Variants in INCENP observed in about 807,000 individuals in gnomAD.
INCENP encodes the protein binds and activates aurora-B and -C in vivo and in vitro.
Under a neutral mutation model 107.3 loss-of-function variants are expected in INCENP, and 43 were observed. That is an observed-to-expected ratio of 0.40 (90% CI 0.31 to 0.52). The LOEUF is 0.52. Among genes scored for constraint, INCENP ranks in the 20% least tolerant of loss-of-function variants. The pLI, the probability that INCENP is intolerant of heterozygous loss-of-function variation, is 0.53. For synonymous variants in INCENP, 488 were observed against 494.4 expected (o/e 0.99, Z 0.17); for missense variants, 1,089 against 1,250.9 (o/e 0.87, Z 1.95).
chr11:62,127,738 G>A (rs1231733969), intron 1 of INCENP, among the ~76,000 whole-genome samples: 3 of 152,208 alleles, frequency 2.0e-5, no homozygotes, highest in Non-Finnish European at 4.4e-5. Context: ...ACTGGAGAGC[G>A]AGAGCAGGAC....
chr11:62,134,290 G>A (rs1943946548), intron 4 of INCENP, among the ~76,000 whole-genome samples: 4 of 151,882 alleles, frequency 2.6e-5, no homozygotes, highest in Admixed American at 2.0e-4. Context: ...GCATGTGCCT[G>A]TAGTCCCAGC....
chr11:62,128,113 G>A lies in INCENP; in HGVS notation c.-11-38G>A, dbSNP rs1307607275. 1.9e-6 allele frequency: 3 copies of A among 1,610,978 alleles called. No homozygotes were observed. In the African/African-American group the frequency reaches 4.0e-5, roughly 22 times the overall value. On this transcript the variant is annotated intron_variant, in intron 1 of 18. Transcript: ENST00000394818. ...GAGAAAGCCCCAGACCCCTACCCTG[G>A]GCCCCTAACTTGTGCCTCTTGTCCC...
At position 62,145,669 on chromosome 11, in the gene INCENP, A is replaced by G. The variant is rs867951545; in HGVS notation, c.1877A>G (p.Lys626Arg). The change falls in exon 14 of 19, where the codon AAG becomes AGG. Residue 626 changes from lysine (K) to arginine (R), a missense_variant. Coordinates refer to ENST00000394818, the MANE Select transcript of INCENP (RefSeq NM_001040694.2). Reference protein sequence around the residue: ...ERLAEEKAKKKAAAKKMEEVE... With the variant: ...ERLAEEKAKKRAAAKKMEEVE... ...CTGGCAGAGGAGAAGGCCAAGAAAA[A>G]GGCGGCGGCCAAGAAGATGGAGGAG... 6.3e-7 allele frequency: 1 copy of G among 1,579,488 alleles called. No homozygotes were observed. Among genetic ancestry groups the G allele is most frequent in the Non-Finnish European group, 8.6e-7 (1 of 1,162,836 alleles).
intron 5 of INCENP, 90 bp downstream of exon 5, chr11:62,137,973 C>A: frequency 8.4e-7 from 1 of 1,187,436 alleles, no homozygotes; most frequent in Non-Finnish European, 1.3e-6. Context: ...AATTCCTGGG[C>A]TGAGTCTTCC....
At chr11:62,144,335 C>CAAAAA (rs3972386) in intron 11 of INCENP, among the ~76,000 whole-genome samples, 2 of 133,870 alleles carry the variant, frequency 1.5e-5, no homozygotes, top group African/African-American at 5.5e-5. Flanking sequence ...TGTCTCCACA[C>CAAAAA]AAAAAAAAAA....
At chr11:62,143,124 C>T (rs1459623643) in intron 11 of INCENP, among the ~76,000 whole-genome samples, 1 of 152,202 alleles carries the variant, frequency 6.6e-6, no homozygotes, top group Non-Finnish European at 1.5e-5. Context: ...GGTCGCCTGG[C>T]AGGGGGACAG....
Position 62,145,238 on chromosome 11 carries a change from G to T in INCENP, c.1785G>T (p.Lys595Asn), listed in dbSNP as rs763723181. Residue 595 changes from lysine (K) to asparagine (N), a missense_variant, in exon 13 of 19, where the codon AAG (lysine) becomes AAT (asparagine). By Grantham distance (94) the Lys-to-Asn change is moderately conservative. Coordinates refer to ENST00000394818, the MANE Select transcript of INCENP (RefSeq NM_001040694.2). ...GGGTGGAGCAGATGAAGGAGGAGAA[G>T]AAGAAGCAGATTGAGCAGAAGTTTG... The part of the protein sequence containing the change: ...RERVEQMKEE[K>N]KKQIEQKFAQ... The T allele has an allele frequency of 1.9e-6, 3 of 1,614,116 alleles. No homozygotes were observed. The Admixed American group carries it at 5.0e-5, about 27-fold the overall frequency.
At chr11:62,130,611 G>A in intron 4 of INCENP, 21 bp downstream of exon 4, 1 of 1,592,446 alleles carries the variant, frequency 6.3e-7, no homozygotes, top group Non-Finnish European at 8.6e-7. Context: ...GGGCTTGGCA[G>A]TGGCGGGTGG....
intron 4 of INCENP, among the ~76,000 whole-genome samples, chr11:62,137,179 C>A (rs897417548): frequency 6.6e-6 from 1 of 152,150 alleles, no homozygotes; most frequent in Non-Finnish European, 1.5e-5. Flanking sequence ...CATGGTGAAA[C>A]CCTGTCTCTA....
chr11:62,146,557 G>A (rs999164571), intron 14 of INCENP, 101 bp from the exon 15 acceptor site: 5 of 1,494,728 alleles, frequency 3.3e-6, no homozygotes, highest in Non-Finnish European at 3.6e-6. Flanking sequence ...CCGTGGTGGT[G>A]GCTGATATGA....
chr11:62,138,439 G>C (rs1164788891), intron 5 of INCENP, among the ~76,000 whole-genome samples: 1 of 152,228 alleles, frequency 6.6e-6, no homozygotes, highest in Admixed American at 6.5e-5. Flanking sequence ...TGGAGGCGGA[G>C]CTGAGGACAG....
At position 62,146,833 on chromosome 11, in the gene INCENP, G is replaced by C. The variant is rs748727257; in HGVS notation, c.2135G>C (p.Arg712Pro). The change falls in exon 15 of 19, where the codon CGG becomes CCG. Residue 712 changes from arginine (R) to proline (P), a missense_variant. Arg to Pro is a moderately radical substitution (Grantham distance 103, BLOSUM62 -2). Transcript: ENST00000394818. ...RREQERREQERREQERQLAEQ... is the reference protein window; with the variant it reads ...RREQERREQEPREQERQLAEQ... ...GAGCAGGAGCGGCGGGAGCAGGAGC[G>C]GCGCGAGCAGGAGCGACAGCTGGCA... The C allele has an allele frequency of 2.6e-6, 4 of 1,547,976 alleles. No homozygotes were observed. The highest frequency in any genetic ancestry group is 8.7e-7 in the Non-Finnish European group (1 of 1,145,836).
rs765461852 is a variant in INCENP, at chr11:62,145,038, G to A, written c.1662G>A (p.Leu554=). Residue 554 remains leucine (L), a synonymous_variant, in exon 12 of 19, where the codon CTG becomes CTA. Transcript: ENST00000394818. ...GGCGGAAGGAGGAGGCCGAGCAGCT[G>A]CGCAGGCAGAAGGTGGAGGAGGACA... The part of the protein sequence containing the change: ...NLRRKEEAEQ[L]RRQKVEEDKR... 2 of 1,611,620 alleles carry A rather than the reference G, an allele frequency of 1.2e-6. No individual in the cohort carries two copies. Among genetic ancestry groups the A allele is most frequent in the Non-Finnish European group, 1.7e-6 (2 of 1,179,326 alleles).
intron 11 of INCENP, among the ~76,000 whole-genome samples, chr11:62,143,976 A>C (rs1211674997): frequency 6.6e-6 from 1 of 152,220 alleles, no homozygotes; most frequent in Admixed American, 6.5e-5. Context: ...TCTGCCCAGG[A>C]GGGGGTGCCA....
At position 62,148,851 on chromosome 11, in the gene INCENP, C is replaced by T; in HGVS notation, c.2391+5C>T. The T allele has an allele frequency of 1.9e-6, 3 of 1,591,356 alleles. No homozygotes were observed. The South Asian group carries it at 3.4e-5, about 18-fold the overall frequency. ...AATGTGACTGTGGACGTGCAGGTGCCACCTGGGCCCCAGTGGAGAGGCTCT... is the reference window on the plus strand; with the variant it reads ...AATGTGACTGTGGACGTGCAGGTGCTACCTGGGCCCCAGTGGAGAGGCTCT... On this transcript the variant is annotated splice_donor_5th_base_variant and intron_variant, in intron 17 of 18. Transcript: ENST00000394818.
At chr11:62,142,597 T>A (rs1445296228) in intron 11 of INCENP, among the ~76,000 whole-genome samples, 1 of 152,230 alleles carries the variant, frequency 6.6e-6, no homozygotes, top group African/African-American at 2.4e-5. Context: ...CTCTGGGTCT[T>A]GTTTAAATCT....
At chr11:62,151,722 G>A in intron 18 of INCENP, 40 bp from the exon 19 acceptor site, 1 of 1,565,094 alleles carries the variant, frequency 6.4e-7, no homozygotes, top group Non-Finnish European at 8.8e-7. Flanking sequence ...GAGGTTCATG[G>A]AGAGCCCCAA....
chr11:62,128,119 T>G, intron 1 of INCENP, 32 bp from the exon 2 acceptor site: 1 of 1,612,622 alleles, frequency 6.2e-7, no homozygotes, highest in Non-Finnish European at 8.5e-7. Flanking sequence ...CCTGGGCCCC[T>G]AACTTGTGCC....
intron 4 of INCENP, among the ~76,000 whole-genome samples, chr11:62,136,315 C>G (rs1282644367): frequency 6.6e-6 from 1 of 152,174 alleles, no homozygotes; most frequent in East Asian, 1.9e-4. Flanking sequence ...TTTGCAGCAA[C>G]AGGCATTGTG....
Sources: allele counts gnomAD v4.1 joint callset (sites outside exome capture counted in the v4.1 genomes callset), GRCh38; gene constraint gnomAD v4.1.1; transcripts MANE v1.5; gene names NCBI Gene and HGNC (gene_info 2026-07-23, HGNC 2026-07-21).